Variants in FRYL observed in about 807,000 individuals in gnomAD.
FRYL encodes the protein protein furry homolog-like.
In FRYL, 150 loss-of-function variants were observed where a neutral mutation model predicts 351.2. The observed-to-expected ratio is 0.43, with a 90% confidence interval of 0.37 to 0.49. The LOEUF (loss-of-function observed/expected upper bound fraction) is 0.49, where lower values mean the gene tolerates loss of function less well. FRYL is among the 20% of genes least tolerant of loss of function. FRYL has a pLI of 0.00. For synonymous variants in FRYL, 1,153 were observed against 1,257.1 expected (o/e 0.92, Z 1.75); for missense variants, 3,036 against 3,619.3 (o/e 0.84, Z 4.13).
At chr4:48,565,465 C>T in intron 29 of FRYL, 66 bp downstream of exon 29, 1 of 1,255,028 alleles carries the variant, frequency 8.0e-7, no homozygotes, top group Admixed American at 2.7e-5. Flanking sequence ...ATACTAGTGA[C>T]TGAGAGACTT....
rs541470088 is a variant in FRYL, at chr4:48,616,027, A to G, written c.411+3247T>C. ...GGAGTTGAACAATGAGAACACATGG[A>G]CACAGGGAGGGGAAGGAACATCACA... is the stretch of plus-strand genomic sequence containing the variant. On this transcript the variant is annotated intron_variant, in intron 7 of 63. Coordinates refer to ENST00000358350, the MANE Select transcript of FRYL (RefSeq NM_015030.2). Among the ~76,000 whole-genome samples, 34 of 152,216 alleles carry G rather than the reference A, an allele frequency of 2.2e-4. 1 individual carries two copies. In the East Asian group the frequency reaches 4.6e-3, roughly 21 times the overall value.
chr4:48,759,207 G>A (rs1317336901), intron 1 of FRYL, among the ~76,000 whole-genome samples: 6 of 152,012 alleles, frequency 3.9e-5, no homozygotes, highest in Admixed American at 3.9e-4. Flanking sequence ...TTGTGCACAT[G>A]TACTATAGAA....
chr4:48,606,620 G>A lies in FRYL; in HGVS notation c.573-14C>T, dbSNP rs762614824. The A allele has an allele frequency of 1.3e-6, 2 of 1,566,632 alleles. No individual in the cohort carries two copies. Among genetic ancestry groups the A allele is most frequent in the Non-Finnish European group, 1.7e-6 (2 of 1,150,984 alleles). On this transcript the variant is annotated splice_polypyrimidine_tract_variant and intron_variant, in intron 9 of 63. Coordinates refer to ENST00000358350, the MANE Select transcript of FRYL (RefSeq NM_015030.2). ...ACAGCCTGAAACCTTTAATATACGT[G>A]GAGACATCATTTGATTTGAATTAAA...
chr4:48,717,727 A>C (rs1769026275), intron 1 of FRYL, among the ~76,000 whole-genome samples: 2 of 151,132 alleles, frequency 1.3e-5, no homozygotes, highest in African/African-American at 4.9e-5. Flanking sequence ...TTTTTTGTAG[A>C]GATGGGGTCT....
At chr4:48,593,128 C>T (rs1182110943) in intron 16 of FRYL, among the ~76,000 whole-genome samples, 1 of 151,476 alleles carries the variant, frequency 6.6e-6, no homozygotes, top group Non-Finnish European at 1.5e-5. Flanking sequence ...TTTTTTTTGG[C>T]ATGGGGGAAA....
rs112952231 is a variant in FRYL at position 48,629,974 on chromosome 4, C to A, written c.120+4317G>T. 3.5e-3 allele frequency among the ~76,000 whole-genome samples: 536 copies of A among 152,252 alleles called. 6 individuals carry two copies. Among genetic ancestry groups the A allele is most frequent in the African/African-American group, 0.013 (526 of 41,546 alleles). ...ATACAATGATGCTGACTGGGGCATA[C>A]AATGGTTGAAGAGGTACCATACTGA... is the stretch of plus-strand genomic sequence containing the variant. On this transcript the variant is annotated intron_variant, in intron 4 of 63. Coordinates refer to ENST00000358350, the MANE Select transcript of FRYL (RefSeq NM_015030.2).
intron 3 of FRYL, 60 bp from the exon 4 acceptor site, chr4:48,634,550 T>TA (rs1391929142): frequency 1.5e-6 from 2 of 1,293,764 alleles, no homozygotes; most frequent in Non-Finnish European, 2.2e-6. Context: ...AGGTCTACCA[T>TA]AACTACCCTA....
At chr4:48,501,791 CAATGGAAATTTATAGTTAAA>C in intron 61 of FRYL, 58 bp from the exon 62 acceptor site, 3 of 1,005,728 alleles carry the variant, frequency 3.0e-6, no homozygotes, top group Non-Finnish European at 4.6e-6. Context: ...AGCATATTTC[CAATGGAAATTTATAGTTAAA>C]ATTGTCTTGT....
At chr4:48,671,044 G>A (rs1289541976) in intron 3 of FRYL, among the ~76,000 whole-genome samples, 4 of 152,092 alleles carry the variant, frequency 2.6e-5, no homozygotes, top group Non-Finnish European at 4.4e-5. Context: ...CATAGTGGTT[G>A]TACTAATGTA....
intron 1 of FRYL, among the ~76,000 whole-genome samples, chr4:48,778,686 T>C (rs901139368): frequency 7.9e-5 from 12 of 152,250 alleles, no homozygotes; most frequent in Admixed American, 7.8e-4. Flanking sequence ...AAAAGACGTC[T>C]TATACTAGTT....
Position 48,551,494 on chromosome 4 carries a change from C to G in FRYL, c.4520G>C (p.Ser1507Thr), listed in dbSNP as rs1732738507. ...NKPIKENIEE[S>T]YVHLDIYSGL... The stretch of plus-strand genomic sequence containing the variant: ...TAATACAGAACAGAGAAGTACTTAC[C>G]TCTCTTCAATATTCTCTTTAATGGG... The change falls in exon 37 of 64, where the codon AGC becomes ACC. Residue 1507 changes from serine to threonine, a missense_variant and splice_region_variant. Ser to Thr is a moderately conservative substitution (Grantham distance 58). This residue lies in a region of FRYL where 1,987 missense variants were observed against 2,311.7 expected (regional missense o/e 0.86). Coordinates refer to ENST00000358350, the MANE Select transcript of FRYL (RefSeq NM_015030.2). 1 of 1,567,066 alleles carries G rather than the reference C, an allele frequency of 6.4e-7. No homozygotes were observed. The highest frequency in any genetic ancestry group is 1.7e-5 in the Admixed American group (1 of 59,654).
intron 1 of FRYL, among the ~76,000 whole-genome samples, chr4:48,756,232 CAA>C (rs1228377900): frequency 4.6e-4 from 45 of 96,966 alleles, no homozygotes; most frequent in Non-Finnish European, 4.6e-4. Context: ...GACTTTGTCT[CAA>C]AAAAAAAAAA....
chr4:48,695,541 C>T (rs961986905), intron 2 of FRYL, among the ~76,000 whole-genome samples: 2 of 151,618 alleles, frequency 1.3e-5, no homozygotes, highest in African/African-American at 2.4e-5. Context: ...ATACATAAAA[C>T]AAATGCCACA....
At chr4:48,590,289 GC>G (rs1742967880) in intron 17 of FRYL, among the ~76,000 whole-genome samples, 1 of 152,034 alleles carries the variant, frequency 6.6e-6, no homozygotes, top group Non-Finnish European at 1.5e-5. Context: ...TTCAAGACCA[GC>G]CTGGTCAAGG....
chr4:48,780,099 C>G lies in FRYL; in HGVS notation c.-405G>C, dbSNP rs1228822331. ...CTACCCGTTCCCAGTCCTAGTACAG[C>G]TGCCTCGCTCCTCCAGCGCCGCCGG... On this transcript the variant is annotated 5_prime_UTR_variant, in exon 1 of 64. Transcript: ENST00000358350. 2 of 154,292 alleles carry G rather than the reference C, an allele frequency of 1.3e-5. No individual in the cohort carries two copies. Among genetic ancestry groups the G allele is most frequent in the Non-Finnish European group, 2.9e-5 (2 of 69,550 alleles). 9.6% of individuals were successfully genotyped at this position (154,292 alleles called of 1,614,324 possible).
chr4:48,694,204 G>A (rs577548334), intron 2 of FRYL, among the ~76,000 whole-genome samples: 4 of 152,200 alleles, frequency 2.6e-5, no homozygotes, highest in South Asian at 2.1e-4. Context: ...CAAGTGGGGG[G>A]TGGGAGGTGG....
chr4:48,707,360 T>C (rs1767482888), intron 2 of FRYL, among the ~76,000 whole-genome samples: 1 of 152,184 alleles, frequency 6.6e-6, no homozygotes, highest in African/African-American at 2.4e-5. Context: ...GTCTTAAGGA[T>C]ACATCCTGAA....
In FRYL at chr4:48,565,612, A is replaced by C. The variant is rs779809763; in HGVS notation, c.3249T>G (p.Pro1083=). Residue 1083 remains proline, a synonymous_variant, in exon 29 of 64, where the codon CCT becomes CCG. Transcript: ENST00000358350. The stretch of plus-strand genomic sequence containing the variant: ...CCAAGGGCGTAAACATGATGCTAAA[A>C]GGACCTGCCCAGTGACTGAACAGCA... The part of the protein sequence containing the change: ...LFMLFSHWAG[P]FSIMFTPLDR... 1 of 1,613,962 alleles carries C rather than the reference A, an allele frequency of 6.2e-7. No homozygotes were observed. The highest frequency in any genetic ancestry group is 8.5e-7 in the Non-Finnish European group (1 of 1,179,920).
At chr4:48,553,069 G>GT (rs1260128444) in intron 36 of FRYL, 146 bp downstream of exon 36, 9 of 569,390 alleles carry the variant, frequency 1.6e-5, no homozygotes, top group Non-Finnish European at 2.4e-5. Flanking sequence ...AGGAAGATTT[G>GT]TTTTTTTCTT....
Sources: gnomAD v4.1 joint callset for allele counts (sites outside exome capture counted in the v4.1 genomes callset) on GRCh38, gnomAD v4.1.1 for gene constraint, gnomAD v4.1.1 regional missense constraint, MANE v1.5 for transcripts, NCBI Gene and HGNC (gene_info 2026-07-23, HGNC 2026-07-21) for gene names.